ATP8A2: variants seen among roughly 807,000 people sequenced by gnomAD.
ATP8A2 encodes the protein phospholipid-transporting ATPase IB.
Under a neutral mutation model 165.6 loss-of-function variants are expected in ATP8A2, and 100 were observed. That is an observed-to-expected ratio of 0.60 (90% CI 0.51 to 0.71). The LOEUF (loss-of-function observed/expected upper bound fraction) is 0.71, where lower values mean the gene tolerates loss of function less well. Among genes scored for constraint, ATP8A2 ranks in the 30% least tolerant of loss-of-function variants. ATP8A2 has a pLI of 0.00. For synonymous variants in ATP8A2, 543 were observed against 548.8 expected (o/e 0.99, Z 0.15); for missense variants, 1,227 against 1,479.5 (o/e 0.83, Z 2.80).
At chr13:25,858,710 G>A (rs934964341) in intron 30 of ATP8A2, among the ~76,000 whole-genome samples, 23 of 152,140 alleles carry the variant, frequency 1.5e-4, no homozygotes, top group African/African-American at 5.6e-4. Flanking sequence ...CTACTGGTTG[G>A]AAATTTGAAC....
intron 25 of ATP8A2, among the ~76,000 whole-genome samples, chr13:25,701,191 CAGT>C (rs1041117123): frequency 2.2e-4 from 34 of 152,214 alleles, no homozygotes; most frequent in African/African-American, 8.2e-4. Flanking sequence ...TGACAAAGGC[CAGT>C]TTATCTATCT....
chr13:25,711,090 C>T (rs1007382839), intron 25 of ATP8A2, among the ~76,000 whole-genome samples: 5 of 152,040 alleles, frequency 3.3e-5, no homozygotes, highest in African/African-American at 9.7e-5. Flanking sequence ...CTGCAACCTC[C>T]GCCTCCCAGG....
chr13:25,972,680 T>C (rs143101285), intron 35 of ATP8A2, among the ~76,000 whole-genome samples: 3 of 152,300 alleles, frequency 2.0e-5, no homozygotes, highest in African/African-American at 7.2e-5. Flanking sequence ...GTCTAAACAA[T>C]GAGGAGCTAA....
At chr13:25,879,161 A>C (rs779027861) in intron 33 of ATP8A2, among the ~76,000 whole-genome samples, 1 of 152,208 alleles carries the variant, frequency 6.6e-6, no homozygotes, top group Non-Finnish European at 1.5e-5. Context: ...GTTGTGGTTT[A>C]TTCCCACAAA....
chr13:25,768,076 TG>T (rs397942177), intron 25 of ATP8A2, among the ~76,000 whole-genome samples: 3,696 of 49,348 alleles, frequency 0.075, 180 homozygotes, highest in African/African-American at 0.19. Context: ...TGTGGTGGCG[TG>T]GGGGGGGGGT....
At chr13:25,918,876 A>G (rs899316170) in intron 33 of ATP8A2, among the ~76,000 whole-genome samples, 1 of 152,334 alleles carries the variant, frequency 6.6e-6, no homozygotes, top group Non-Finnish European at 1.5e-5. Flanking sequence ...TGTATTCCTC[A>G]TAAAAATTAT....
intron 27 of ATP8A2, among the ~76,000 whole-genome samples, chr13:25,777,026 C>T (rs2044758785): frequency 6.6e-6 from 1 of 151,930 alleles, no homozygotes; most frequent in Non-Finnish European, 1.5e-5. Context: ...TTTTAGTCTG[C>T]CTGAAAAATT....
At chr13:25,720,570 TC>T (rs930398316) in intron 25 of ATP8A2, among the ~76,000 whole-genome samples, 1 of 152,152 alleles carries the variant, frequency 6.6e-6, no homozygotes, top group Non-Finnish European at 1.5e-5. Flanking sequence ...ACTCTCACCT[TC>T]CCTCAGGTCG....
intron 24 of ATP8A2, among the ~76,000 whole-genome samples, chr13:25,621,815 G>A (rs1189955693): frequency 2.6e-5 from 4 of 152,122 alleles, no homozygotes; most frequent in South Asian, 2.1e-4. Flanking sequence ...AATCCACAGT[G>A]AGCCCACAGT....
chr13:25,477,942 A>G lies in ATP8A2; in HGVS notation c.221+8821A>G, dbSNP rs564214637. On this transcript the variant is annotated intron_variant, in intron 2 of 36. Transcript: ENST00000381655. ...ACGAGAGTGAAACTCTGTCTCAAAA[A>G]AGAAAAAAGTATACTATTTTCTCAA... is the stretch of plus-strand genomic sequence containing the variant. Among the ~76,000 whole-genome samples, 6 of 152,346 alleles carry G rather than the reference A, an allele frequency of 3.9e-5. No homozygotes were observed. The South Asian group carries it at 1.2e-3, about 32-fold the overall frequency.
At chr13:25,768,388 ATCT>A (rs1348996167) in intron 25 of ATP8A2, among the ~76,000 whole-genome samples, 1 of 152,030 alleles carries the variant, frequency 6.6e-6, no homozygotes, top group African/African-American at 2.4e-5. Flanking sequence ...GCAGGGGCTG[ATCT>A]TCTTGCCCCC....
At chr13:25,808,041 G>A (rs867867898) in intron 27 of ATP8A2, among the ~76,000 whole-genome samples, 2 of 78 alleles carry the variant, frequency 0.026, no homozygotes, top group South Asian at 0.25. Context: ...TAAATCACAA[G>A]TTGCCTATTT....
At chr13:25,589,420 T>G (rs2040009032) in intron 23 of ATP8A2, among the ~76,000 whole-genome samples, 1 of 152,220 alleles carries the variant, frequency 6.6e-6, no homozygotes, top group Non-Finnish European at 1.5e-5. Context: ...TTGGGAAGTA[T>G]TTATTTTAGC....
intron 1 of ATP8A2, among the ~76,000 whole-genome samples, chr13:25,439,546 C>T (rs530445942): frequency 4.1e-4 from 62 of 152,320 alleles, no homozygotes; most frequent in Non-Finnish European, 2.5e-4. Flanking sequence ...TTGGTTTTAA[C>T]TAGACACATT....
At chr13:25,854,903 A>T (rs564154399) in intron 30 of ATP8A2, among the ~76,000 whole-genome samples, 1 of 152,172 alleles carries the variant, frequency 6.6e-6, no homozygotes, top group Non-Finnish European at 1.5e-5. Flanking sequence ...AGCCATCATC[A>T]CAATACATTA....
chr13:25,527,251 T>C (rs1477860463), intron 2 of ATP8A2, among the ~76,000 whole-genome samples: 1 of 152,092 alleles, frequency 6.6e-6, no homozygotes, highest in Non-Finnish European at 1.5e-5. Flanking sequence ...TTGAACAAAT[T>C]TACCTCCTCA....
chr13:26,011,276 G>A (rs998541284), intron 35 of ATP8A2, among the ~76,000 whole-genome samples: 4 of 152,134 alleles, frequency 2.6e-5, no homozygotes, highest in African/African-American at 9.7e-5. Context: ...TTTCTCATGC[G>A]AGCACTCTCC....
At chr13:25,552,252 G>A (rs2038847962) in intron 11 of ATP8A2, among the ~76,000 whole-genome samples, 1 of 152,140 alleles carries the variant, frequency 6.6e-6, no homozygotes, top group African/African-American at 2.4e-5. Flanking sequence ...CTCCTGAAGT[G>A]CTGGGATTAC....
intron 24 of ATP8A2, among the ~76,000 whole-genome samples, chr13:25,608,475 C>A (rs1467627235): frequency 6.9e-6 from 1 of 144,420 alleles, no homozygotes; most frequent in Non-Finnish European, 1.5e-5. Flanking sequence ...ATCATTAAAT[C>A]TCAGCTATAC....
Sources: allele counts gnomAD v4.1 joint callset (sites outside exome capture counted in the v4.1 genomes callset), GRCh38; gene constraint gnomAD v4.1.1; transcripts MANE v1.5; gene names NCBI Gene and HGNC (gene_info 2026-07-23, HGNC 2026-07-21).